Variants in NYAP2 observed in about 807,000 individuals in gnomAD.
The protein encoded by NYAP2 is neuronal tyrosine-phosphorylated phosphoinositide-3-kinase adaptor 2, also known as neuronal tyrosine-phosphorylated phosphoinositide-3-kinase adapter 2.
NYAP2 carries 23 observed loss-of-function variants against 50.4 expected under a neutral mutation model. The ratio of observed to expected loss-of-function variants is 0.46; its 90% CI spans 0.33 to 0.65. The LOEUF (loss-of-function observed/expected upper bound fraction) is 0.65. Among genes scored for constraint, NYAP2 ranks in the 30% least tolerant of loss-of-function variants. NYAP2 has a pLI of 0.02. For synonymous variants in NYAP2, 394 were observed against 365.2 expected (o/e 1.08, Z -0.90); for missense variants, 885 against 861.0 (o/e 1.03, Z -0.35).
chr2:225,618,927 A>G (rs950418168), intron 5 of NYAP2, among the ~76,000 whole-genome samples: 1 of 152,188 alleles, frequency 6.6e-6, no homozygotes, highest in Non-Finnish European at 1.5e-5. Context: ...TGGTTAGGGA[A>G]AAGTGTGGAA....
chr2:225,674,798 T>C, the NYAP2 span, among the ~76,000 whole-genome samples: 3 of 152,084 alleles, frequency 2.0e-5, no homozygotes, highest in African/African-American at 7.2e-5. Flanking sequence ...TTGGTCACAA[T>C]AGGAGTGTTG....
At chr2:225,449,158 A>C (rs1689609402) in intron 3 of NYAP2, among the ~76,000 whole-genome samples, 1 of 152,210 alleles carries the variant, frequency 6.6e-6, no homozygotes, top group Admixed American at 6.5e-5. Flanking sequence ...TTAAAAGTGG[A>C]ATGAGTTCAA....
chr2:225,442,131 A>C (rs1189868721), intron 3 of NYAP2, among the ~76,000 whole-genome samples: 1 of 152,244 alleles, frequency 6.6e-6, no homozygotes, highest in Non-Finnish European at 1.5e-5. Flanking sequence ...GAGTCAAATA[A>C]TCAGCAGGTC....
At position 225,409,115 on chromosome 2, in the gene NYAP2, A is replaced by C; in HGVS notation, c.221+14A>C. The C allele has an allele frequency of 1.3e-6, 2 of 1,535,998 alleles. No homozygotes were observed. The highest frequency in any genetic ancestry group is 1.8e-6 in the Non-Finnish European group (2 of 1,133,958). Reference sequence around the variant, plus strand: ...AGCAATAAAGCGGTAAATATAAATAAAATTATTTTGAGTTTTGTGCACATG... The same window carrying C: ...AGCAATAAAGCGGTAAATATAAATACAATTATTTTGAGTTTTGTGCACATG... On this transcript the variant is annotated intron_variant, in intron 3 of 6. Coordinates refer to ENST00000636099, the Ensembl canonical transcript of NYAP2.
At chr2:225,686,238 A>AT in the NYAP2 span, among the ~76,000 whole-genome samples, 1 of 152,092 alleles carries the variant, frequency 6.6e-6, no homozygotes, top group Non-Finnish European at 1.5e-5. Context: ...TTCTATTCTG[A>AT]TTTTGTATTA....
At chr2:225,652,856 A>G (rs936197529) in exon 7 of NYAP2, 3 of 152,186 alleles carry the variant, frequency 2.0e-5, no homozygotes, top group African/African-American at 7.2e-5. Context: ...TTTTTGTCTG[A>G]CTTAAATATG....
Position 225,582,364 on chromosome 2 carries a change from A to G in NYAP2, c.947A>G (p.Lys316Arg), listed in dbSNP as rs1292467126. ...AAGGCCTCAGTGCCATGCCCCCCCAAGGGGCTGCTTTGCGACATCCCTCCG... is the reference window on the plus strand; with the variant it reads ...AAGGCCTCAGTGCCATGCCCCCCCAGGGGGCTGCTTTGCGACATCCCTCCG... The change falls in exon 5 of 7, where the codon AAG (lysine) becomes AGG (arginine). Residue 316 changes from lysine to arginine, a missense_variant. Lys to Arg is a conservative substitution (Grantham distance 26, BLOSUM62 2). Transcript: ENST00000636099. This position sits in a 1 kb window ranked among gnomAD's most constrained non-coding sequence, Gnocchi z 7.0. 2 of 1,612,360 alleles carry G rather than the reference A, an allele frequency of 1.2e-6. No individual in the cohort carries two copies. Among genetic ancestry groups the G allele is most frequent in the Non-Finnish European group, 1.7e-6 (2 of 1,178,556 alleles).
At chr2:225,534,283 C>A (rs985100956) in intron 4 of NYAP2, among the ~76,000 whole-genome samples, 1 of 152,188 alleles carries the variant, frequency 6.6e-6, no homozygotes, top group Non-Finnish European at 1.5e-5. Context: ...GGAATACTAA[C>A]CGTAGCCATT....
At chr2:225,433,816 C>CAAAAAAAAAA (rs35886164) in intron 3 of NYAP2, among the ~76,000 whole-genome samples, 1 of 62,490 alleles carries the variant, frequency 1.6e-5, no homozygotes, top group Non-Finnish European at 2.6e-5. Flanking sequence ...GACTCCGTCT[C>CAAAAAAAAAA]AAAAAAAAAA....
At chr2:225,560,230 C>A in intron 4 of NYAP2, among the ~76,000 whole-genome samples, 1 of 151,896 alleles carries the variant, frequency 6.6e-6, no homozygotes, top group Non-Finnish European at 1.5e-5. Context: ...TTTTTCTATG[C>A]CAATAGGCAT....
At chr2:225,477,280 A>G (rs1412904875) in intron 3 of NYAP2, among the ~76,000 whole-genome samples, 1 of 106,688 alleles carries the variant, frequency 9.4e-6, no homozygotes, top group Non-Finnish European at 1.7e-5. Flanking sequence ...TCTTTCACCC[A>G]GGCCAGACTG....
rs143362154 is a variant in NYAP2, at chr2:225,583,932, C to T, written c.1618+897C>T. Among the ~76,000 whole-genome samples the T allele has an allele frequency of 7.3e-3, 1,110 of 152,166 alleles. 20 individuals carry two copies. The highest frequency in any genetic ancestry group is 0.026 in the African/African-American group (1,074 of 41,502). On this transcript the variant is annotated intron_variant, in intron 5 of 6. Transcript: ENST00000636099. ...TGGCGGGCACCTTTAGTCCCAGCTACGCGGGAGGCTGAGGCAGGAGAATGG... is the reference window on the plus strand; with the variant it reads ...TGGCGGGCACCTTTAGTCCCAGCTATGCGGGAGGCTGAGGCAGGAGAATGG...
Position 225,582,116 on chromosome 2 carries a change from C to T in NYAP2, c.699C>T (p.Ser233=), listed in dbSNP as rs745425208. 6 of 1,613,976 alleles carry T rather than the reference C, an allele frequency of 3.7e-6. No homozygotes were observed. In the East Asian group the frequency reaches 1.3e-4, roughly 36 times the overall value. The change falls in exon 5 of 7, where the codon AGC becomes AGT. Residue 233 remains serine (S), a synonymous_variant. Coordinates refer to ENST00000636099, the Ensembl canonical transcript of NYAP2. The surrounding 1 kb of genome is among the most constrained non-coding windows in gnomAD (Gnocchi z 7.0). ...ACTCCTCCTTGTCCCAGATGGGCAGCCCCGCGGGAGACCCCGAGGAAGAGG... is the reference window on the plus strand; with the variant it reads ...ACTCCTCCTTGTCCCAGATGGGCAGTCCCGCGGGAGACCCCGAGGAAGAGG...
intron 3 of NYAP2, among the ~76,000 whole-genome samples, chr2:225,495,863 A>C (rs962272334): frequency 1.3e-5 from 2 of 152,238 alleles, no homozygotes; most frequent in Non-Finnish European, 2.9e-5. Flanking sequence ...ATAGATGAGA[A>C]GACCGCAGAC....
downstream of NYAP2, among the ~76,000 whole-genome samples, chr2:225,655,304 TTTA>T (rs1400363704): frequency 6.6e-6 from 1 of 152,112 alleles, no homozygotes; most frequent in Non-Finnish European, 1.5e-5. Flanking sequence ...AAAATAAGAT[TTTA>T]TTTTTTCTTA....
chr2:225,597,343 T>TA (rs1692618968), intron 5 of NYAP2, among the ~76,000 whole-genome samples: 1 of 151,076 alleles, frequency 6.6e-6, no homozygotes, highest in Non-Finnish European at 1.5e-5. Flanking sequence ...ATCATTCTTA[T>TA]GCCTTTGCAT....
At chr2:225,570,980 C>T (rs901594026) in intron 4 of NYAP2, among the ~76,000 whole-genome samples, 2 of 152,194 alleles carry the variant, frequency 1.3e-5, no homozygotes, top group African/African-American at 4.8e-5. Flanking sequence ...ATGAATTAGT[C>T]AAAACAAAGG....
At chr2:225,697,520 T>C in the NYAP2 span, among the ~76,000 whole-genome samples, 7 of 151,988 alleles carry the variant, frequency 4.6e-5, no homozygotes, top group Admixed American at 1.3e-4. Flanking sequence ...TTCTACTACA[T>C]TCTGTTTATA....
At chr2:225,664,416 A>C in the NYAP2 span, among the ~76,000 whole-genome samples, 1 of 152,184 alleles carries the variant, frequency 6.6e-6, no homozygotes, top group Non-Finnish European at 1.5e-5. Flanking sequence ...AACAGTGGAA[A>C]CGGATTAGTA....
Sources: allele counts gnomAD v4.1 joint callset (sites outside exome capture counted in the v4.1 genomes callset), GRCh38; gene constraint gnomAD v4.1.1; non-coding constraint Gnocchi (gnomAD v3.1); transcripts MANE v1.5; gene names NCBI Gene and HGNC (gene_info 2026-07-23, HGNC 2026-07-21).